Variants in SHC3 observed in about 807,000 individuals in gnomAD.
The protein encoded by SHC3 is SHC adaptor protein 3, also known as SHC-transforming protein 3.
Under a neutral mutation model 60.4 loss-of-function variants are expected in SHC3, and 15 were observed. The ratio of observed to expected loss-of-function variants is 0.25; its 90% CI spans 0.17 to 0.38. The LOEUF is 0.38. Among genes scored for constraint, SHC3 ranks in the 10% least tolerant of loss-of-function variants. The pLI is 1.00. For synonymous variants in SHC3, 294 were observed against 325.9 expected (o/e 0.90, Z 1.05); for missense variants, 677 against 786.1 (o/e 0.86, Z 1.66).
At chr9:89,058,677 A>G (rs1406767165) in intron 6 of SHC3, among the ~76,000 whole-genome samples, 4 of 137,186 alleles carry the variant, frequency 2.9e-5, no homozygotes, top group Admixed American at 2.2e-4. Context: ...ATGGTGGTGT[A>G]GGATGTGATG....
intron 6 of SHC3, among the ~76,000 whole-genome samples, chr9:89,063,627 T>A (rs1192097868): frequency 6.6e-6 from 1 of 152,114 alleles, no homozygotes; most frequent in Non-Finnish European, 1.5e-5. Flanking sequence ...CTTGCCAAGG[T>A]CCCAGGTGTG....
intron 11 of SHC3, among the ~76,000 whole-genome samples, chr9:89,025,534 C>T (rs895465658): frequency 5.9e-5 from 9 of 152,220 alleles, no homozygotes; most frequent in African/African-American, 1.4e-4. Flanking sequence ...AGAATGAACA[C>T]ATCCTCTCAG....
At chr9:89,123,573 C>A (rs1474158188) in intron 1 of SHC3, among the ~76,000 whole-genome samples, 1 of 152,164 alleles carries the variant, frequency 6.6e-6, no homozygotes, top group Non-Finnish European at 1.5e-5. Context: ...GGTGTGTGAT[C>A]CCAGCCAAGC....
chr9:89,042,176 C>A lies in SHC3; in HGVS notation c.1210G>T (p.Asp404Tyr). ...QQTPLRQGSS[D>Y]IYSTPEGKLH... is the part of the protein sequence containing the mutation. Reference sequence around the variant, plus strand: ...TTCCCTTCTGGCGTGCTGTAGATGTCCGAGGACCCTGCAACAAGAAAGTGA... The same window carrying A: ...TTCCCTTCTGGCGTGCTGTAGATGTACGAGGACCCTGCAACAAGAAAGTGA... Residue 404 changes from aspartate (D) to tyrosine (Y), a missense_variant, in exon 10 of 12, where the codon GAC becomes TAC. By Grantham distance (160) the Asp-to-Tyr change is radical. Coordinates refer to ENST00000375835, the MANE Select transcript of SHC3 (RefSeq NM_016848.6). 2.7e-6 allele frequency: 4 copies of A among 1,508,758 alleles called. No homozygotes were observed. Among genetic ancestry groups the A allele is most frequent in the Non-Finnish European group, 3.5e-6 (4 of 1,134,876 alleles). The allele number at this position is 1,508,758 out of a possible 1,614,324, so 93.5% of individuals were successfully genotyped here.
chr9:89,090,985 G>A (rs1825613004), intron 2 of SHC3, among the ~76,000 whole-genome samples: 1 of 152,202 alleles, frequency 6.6e-6, no homozygotes. Flanking sequence ...TATAGCCTGC[G>A]TGAAGAAAAG....
At chr9:89,123,270 C>G (rs1256179769) in intron 1 of SHC3, among the ~76,000 whole-genome samples, 3 of 152,160 alleles carry the variant, frequency 2.0e-5, no homozygotes, top group Non-Finnish European at 4.4e-5. Flanking sequence ...AATAAAAAAA[C>G]TAAAAATATT....
In SHC3 at chr9:89,029,084, G is replaced by C. The variant is rs148152833; in HGVS notation, c.1656+8909C>G. 2.0e-5 allele frequency among the ~76,000 whole-genome samples: 3 copies of C among 151,162 alleles called. No individual in the cohort carries two copies. The East Asian group carries it at 5.8e-4, about 29-fold the overall frequency. On this transcript the variant is annotated intron_variant, in intron 11 of 11. Coordinates refer to ENST00000375835, the MANE Select transcript of SHC3 (RefSeq NM_016848.6). ...TAAGTTTGTATGATAGTCAAGAAAA[G>C]CTCCCAGAACATAGAACATAATTTC... is the stretch of plus-strand genomic sequence containing the variant.
At chr9:89,140,342 C>T (rs189690791) in intron 1 of SHC3, among the ~76,000 whole-genome samples, 6 of 152,044 alleles carry the variant, frequency 3.9e-5, no homozygotes, top group African/African-American at 9.7e-5. Flanking sequence ...GATTCCCCCC[C>T]CCAGATTAAG....
chr9:89,136,231 T>C (rs1349607043), intron 1 of SHC3, among the ~76,000 whole-genome samples: 1 of 152,118 alleles, frequency 6.6e-6, no homozygotes, highest in Non-Finnish European at 1.5e-5. Flanking sequence ...AGGAGAAACA[T>C]GTCAGAGGCA....
intron 1 of SHC3, among the ~76,000 whole-genome samples, chr9:89,116,596 CAAT>C (rs2118128039): frequency 6.6e-6 from 1 of 152,300 alleles, no homozygotes; most frequent in East Asian, 1.9e-4. Context: ...ACACCATAAA[CAAT>C]GATGCAAAAT....
Position 89,178,237 on chromosome 9 carries a change from T to A in SHC3, c.224A>T (p.Lys75Ile). The change falls in exon 1 of 12, where the codon AAA becomes ATA. Residue 75 changes from lysine (K) to isoleucine (I), a missense_variant. By Grantham distance (102) the Lys-to-Ile change is moderately radical. Coordinates refer to ENST00000375835, the MANE Select transcript of SHC3 (RefSeq NM_016848.6). The surrounding 1 kb of genome is among the most constrained non-coding windows in gnomAD (Gnocchi z 6.9). Reference sequence around the variant, plus strand: ...GCCGCGGAGGCCCGAGCTGGAGAGTTTCAGGTGGGACACCTTGTGGAGCAG... The same window carrying A: ...GCCGCGGAGGCCCGAGCTGGAGAGTATCAGGTGGGACACCTTGTGGAGCAG... ...GHLLHKVSHL[K>I]LSSSGLRGLS... The A allele has an allele frequency of 1.3e-6, 2 of 1,510,278 alleles. No individual in the cohort carries two copies. Among genetic ancestry groups the A allele is most frequent in the Non-Finnish European group, 1.8e-6 (2 of 1,131,530 alleles). The allele number at this position is 1,510,278 out of a possible 1,614,324, so 93.6% of individuals were successfully genotyped here. A position where few individuals can be genotyped will look rare whatever the true frequency, so the allele number is the denominator to read the frequency against.
In SHC3 at chr9:89,013,111, TA is replaced by T. The variant is rs936706157; in HGVS notation, c.*335del. The T allele has an allele frequency of 1.2e-5, 2 of 166,090 alleles. No individual in the cohort carries two copies. The highest frequency in any genetic ancestry group is 2.6e-5 in the Non-Finnish European group (2 of 78,146). The allele number at this position is 166,090 out of a possible 1,614,324, so 10.3% of individuals were successfully genotyped here. A position where few individuals can be genotyped will look rare whatever the true frequency, so the allele number is the denominator to read the frequency against. On this transcript the variant is annotated 3_prime_UTR_variant, in exon 12 of 12. Coordinates refer to ENST00000375835, the MANE Select transcript of SHC3 (RefSeq NM_016848.6). ...TCCCGGTGGGATGGGTCAGTTGAAT[TA>T]AATTTTTGCCTGGACAACTACAGTT...
chr9:89,098,742 C>A (rs553910114), intron 2 of SHC3, among the ~76,000 whole-genome samples: 7 of 151,352 alleles, frequency 4.6e-5, no homozygotes, highest in South Asian at 2.1e-4. Context: ...ACCTGGGAGG[C>A]GGAGCTTGCA....
At chr9:89,014,946 C>T (rs1419907807) in intron 11 of SHC3, among the ~76,000 whole-genome samples, 1 of 152,148 alleles carries the variant, frequency 6.6e-6, no homozygotes, top group Admixed American at 6.5e-5. Flanking sequence ...AATGTTTTCC[C>T]CCTGCAGGAA....
intron 1 of SHC3, among the ~76,000 whole-genome samples, chr9:89,161,391 C>T (rs905809879): frequency 6.6e-6 from 1 of 152,192 alleles, no homozygotes; most frequent in Non-Finnish European, 1.5e-5. Flanking sequence ...TCCCCAGAAG[C>T]TTAGCAGATC....
chr9:89,097,509 G>A (rs1825722513), intron 2 of SHC3, among the ~76,000 whole-genome samples: 1 of 152,254 alleles, frequency 6.6e-6, no homozygotes, highest in Admixed American at 6.5e-5. Flanking sequence ...CCTGGGGGCA[G>A]AAAGGAAGGA....
intron 6 of SHC3, among the ~76,000 whole-genome samples, chr9:89,061,879 T>A (rs1008939029): frequency 9.9e-5 from 15 of 152,128 alleles, no homozygotes; most frequent in African/African-American, 1.9e-4. Context: ...AGTTATCAGA[T>A]CAAAAAAACA....
chr9:89,089,935 C>T (rs942875140), intron 2 of SHC3, among the ~76,000 whole-genome samples: 9 of 152,196 alleles, frequency 5.9e-5, no homozygotes. Context: ...CGGGCAGGGC[C>T]GCCAGCTCTA....
At chr9:89,074,473 G>T (rs1390229629) in intron 4 of SHC3, among the ~76,000 whole-genome samples, 1 of 152,060 alleles carries the variant, frequency 6.6e-6, no homozygotes, top group African/African-American at 2.4e-5. Flanking sequence ...TCCAGCTAAA[G>T]AAATTAATGA....
Sources: allele counts gnomAD v4.1 joint callset (sites outside exome capture counted in the v4.1 genomes callset), GRCh38; gene constraint gnomAD v4.1.1; non-coding constraint Gnocchi (gnomAD v3.1); transcripts MANE v1.5; gene names NCBI Gene and HGNC (gene_info 2026-07-23, HGNC 2026-07-21).